NR1H4: variants seen among roughly 807,000 people sequenced by gnomAD.
NR1H4 encodes the protein bile acid receptor.
In NR1H4, 23 loss-of-function variants were observed where a neutral mutation model predicts 58.5. That is an observed-to-expected ratio of 0.39 (90% CI 0.28 to 0.56). The LOEUF is 0.56. Among genes scored for constraint, NR1H4 ranks in the 20% least tolerant of loss-of-function variants. The pLI is 0.58. For synonymous variants in NR1H4, 214 were observed against 198.0 expected, an observed-to-expected ratio of 1.08 and a Z score of -0.68; for missense variants, 487 against 576.9, an observed-to-expected ratio of 0.84 and a Z score of 1.60.
chr12:100,538,379 GAGA>G (rs1044356529), intron 8 of NR1H4, among the ~76,000 whole-genome samples: 7 of 152,132 alleles, frequency 4.6e-5, no homozygotes, highest in African/African-American at 1.7e-4. Flanking sequence ...CAGTGGGGAA[GAGA>G]AGAAGAAACA....
At chr12:100,561,820 T>C in intron 9 of NR1H4, 65 bp from the exon 10 acceptor site, 1 of 767,360 alleles carries the variant, frequency 1.3e-6, no homozygotes, top group Non-Finnish European at 2.4e-6. Context: ...ATGTATAATG[T>C]GTTTCTAGTT....
intron 3 of NR1H4, among the ~76,000 whole-genome samples, chr12:100,495,288 C>T (rs1005480111): frequency 1.6e-4 from 25 of 152,236 alleles, no homozygotes; most frequent in Non-Finnish European, 3.5e-4. Flanking sequence ...GTTTCCTCAA[C>T]TCTTTATCTG....
chr12:100,480,482 A>G (rs1953355252), intron 1 of NR1H4, among the ~76,000 whole-genome samples: 1 of 152,174 alleles, frequency 6.6e-6, no homozygotes, highest in South Asian at 2.1e-4. Context: ...TTACCACAGG[A>G]GACAGTGTTA....
At chr12:100,529,571 C>T (rs1302910688) in intron 4 of NR1H4, among the ~76,000 whole-genome samples, 2 of 152,180 alleles carry the variant, frequency 1.3e-5, no homozygotes, top group African/African-American at 4.8e-5. Context: ...ATACTCTACC[C>T]AACCGCCACC....
intron 4 of NR1H4, among the ~76,000 whole-genome samples, chr12:100,512,205 A>G (rs1259925207): frequency 6.6e-6 from 1 of 150,796 alleles, no homozygotes; most frequent in Admixed American, 6.6e-5. Flanking sequence ...TGCACTCCAG[A>G]CTGAATGACA....
At chr12:100,517,424 G>T (rs1954296449) in intron 4 of NR1H4, among the ~76,000 whole-genome samples, 1 of 152,078 alleles carries the variant, frequency 6.6e-6, no homozygotes, top group Non-Finnish European at 1.5e-5. Flanking sequence ...TCTTGATCCA[G>T]TCATCCATTG....
chr12:100,494,734 T>C (rs1339614650), intron 3 of NR1H4, among the ~76,000 whole-genome samples: 1 of 152,240 alleles, frequency 6.6e-6, no homozygotes, highest in Non-Finnish European at 1.5e-5. Context: ...AGAGTCAATG[T>C]ATAGACATCT....
chr12:100,483,311 T>G (rs1953420830), intron 1 of NR1H4, among the ~76,000 whole-genome samples: 1 of 152,212 alleles, frequency 6.6e-6, no homozygotes, highest in Non-Finnish European at 1.5e-5. Flanking sequence ...AATATCAGTA[T>G]AAGTTGATCA....
chr12:100,534,221 T>C (rs1954763382), intron 5 of NR1H4, among the ~76,000 whole-genome samples: 1 of 152,230 alleles, frequency 6.6e-6, no homozygotes, highest in Admixed American at 6.5e-5. Flanking sequence ...TGTAAATCAA[T>C]GAGGTTGATT....
chr12:100,478,488 A>C (rs1419636130), intron 1 of NR1H4, among the ~76,000 whole-genome samples: 1 of 152,254 alleles, frequency 6.6e-6, no homozygotes, highest in Non-Finnish European at 1.5e-5. Flanking sequence ...GGAGACTGAC[A>C]TATCTTAATG....
In NR1H4 at chr12:100,510,948, G is replaced by A. The variant is rs1954096955; in HGVS notation, c.250G>A (p.Gly84Arg). The change falls in exon 4 of 11, where the codon GGA (glycine) becomes AGA (arginine). Residue 84 changes from glycine (G) to arginine (R), a missense_variant. Physicochemically the swap from Gly to Arg is moderately radical, Grantham distance 125. Coordinates refer to ENST00000392986, the MANE Select transcript of NR1H4 (RefSeq NM_001206979.2). ...GCAGCCTGAAGAGTGGTACTCTCCTGGAATATATGAACTCAGGCGTATGCC... is the reference window on the plus strand; with the variant it reads ...GCAGCCTGAAGAGTGGTACTCTCCTAGAATATATGAACTCAGGCGTATGCC... ...PQQPEEWYSP[G>R]IYELRRMPAE... 28 of 1,614,194 alleles carry A rather than the reference G, an allele frequency of 1.7e-5. No homozygotes were observed. The highest frequency in any genetic ancestry group is 2.4e-5 in the Non-Finnish European group (28 of 1,180,038).
intron 1 of NR1H4, among the ~76,000 whole-genome samples, chr12:100,488,564 T>C (rs1345797534): frequency 6.6e-6 from 1 of 152,158 alleles, no homozygotes; most frequent in East Asian, 1.9e-4. Flanking sequence ...GAAAATATGA[T>C]AAAATGACCA....
chr12:100,492,009 G>T (rs1953615776), intron 1 of NR1H4, among the ~76,000 whole-genome samples: 1 of 151,990 alleles, frequency 6.6e-6, no homozygotes, highest in Non-Finnish European at 1.5e-5. Context: ...TATGTATTTG[G>T]GTGATTATTT....
intron 9 of NR1H4, among the ~76,000 whole-genome samples, chr12:100,557,491 A>C (rs1410454516): frequency 6.6e-6 from 1 of 152,236 alleles, no homozygotes; most frequent in African/African-American, 2.4e-5. Context: ...AAACTATTTC[A>C]CATGGATATA....
intron 9 of NR1H4, among the ~76,000 whole-genome samples, chr12:100,548,171 T>G: frequency 6.7e-6 from 1 of 149,032 alleles, no homozygotes; most frequent in East Asian, 2.1e-4. Context: ...ATTGAGACCA[T>G]CCTGGCTAAC....
chr12:100,528,332 A>G (rs1353168166), intron 4 of NR1H4, among the ~76,000 whole-genome samples: 1 of 152,046 alleles, frequency 6.6e-6, no homozygotes, highest in African/African-American at 2.4e-5. Context: ...ACGCCACTGC[A>G]CTTCAGCCTG....
At chr12:100,529,128 A>G (rs1046343204) in intron 4 of NR1H4, among the ~76,000 whole-genome samples, 1 of 152,186 alleles carries the variant, frequency 6.6e-6, no homozygotes, top group Admixed American at 6.5e-5. Flanking sequence ...CATTTAGAAA[A>G]ATGTTAAGAT....
At chr12:100,504,638 T>C (rs1332259517) in intron 3 of NR1H4, among the ~76,000 whole-genome samples, 5 of 152,204 alleles carry the variant, frequency 3.3e-5, no homozygotes, top group Non-Finnish European at 5.9e-5. Context: ...TTCTTTGTCT[T>C]AGTTCATCTT....
At chr12:100,507,432 T>G (rs1953993700) in intron 3 of NR1H4, among the ~76,000 whole-genome samples, 1 of 151,966 alleles carries the variant, frequency 6.6e-6, no homozygotes, top group Non-Finnish European at 1.5e-5. Context: ...ACATACTCGT[T>G]TTTTTGTTTG....
Sources: gnomAD v4.1 joint callset for allele counts (sites outside exome capture counted in the v4.1 genomes callset) on GRCh38, gnomAD v4.1.1 for gene constraint, MANE v1.5 for transcripts, NCBI Gene and HGNC (gene_info 2026-07-23, HGNC 2026-07-21) for gene names.